SLC35E1: variants seen among roughly 807,000 people sequenced by gnomAD.
SLC35E1 encodes solute carrier family 35 member E1.
A neutral mutation model predicts 31.0 loss-of-function variants in SLC35E1; 12 were observed. The observed-to-expected ratio is 0.39, with a 90% CI of 0.25 to 0.63. The LOEUF (loss-of-function observed/expected upper bound fraction) is 0.63, where lower values mean the gene tolerates loss of function less well. Ranked by LOEUF, SLC35E1 falls within the 20% of genes least tolerant of loss-of-function variation. The pLI, the probability that SLC35E1 is intolerant of heterozygous loss-of-function variation, is 0.52. For missense variants in SLC35E1, 429 were observed against 572.2 expected, an observed-to-expected ratio of 0.75 and a Z score of 2.55; for synonymous variants, 257 against 264.1, an observed-to-expected ratio of 0.97 and a Z score of 0.26.
intron 3 of SLC35E1, 49 bp from the exon 4 acceptor site, chr19:16,566,706 A>G (rs749818643): frequency 1.9e-6 from 3 of 1,579,268 alleles, no homozygotes; most frequent in African/African-American, 1.4e-5. Context: ...ATATGTGGCA[A>G]AAAGGGCTCC....
intron 4 of SLC35E1, among the ~76,000 whole-genome samples, chr19:16,559,090 C>T (rs2085891235): frequency 6.6e-6 from 1 of 151,964 alleles, no homozygotes; most frequent in African/African-American, 2.4e-5. Flanking sequence ...TTTTAAGTTA[C>T]TATCTTCCAT....
chr19:16,560,668 C>G (rs550889802), intron 4 of SLC35E1, among the ~76,000 whole-genome samples: 171 of 152,152 alleles, frequency 1.1e-3, no homozygotes, highest in Non-Finnish European at 2.1e-3. Context: ...TCGAGACCAG[C>G]CTGGCCAACA....
chr19:16,571,703 C>A (rs2085959540), intron 1 of SLC35E1, 121 bp from the exon 2 acceptor site: 21 of 1,113,492 alleles, frequency 1.9e-5, no homozygotes, highest in Non-Finnish European at 2.8e-5. Flanking sequence ...CCTTCTCTTT[C>A]GGTAGGGCTT....
chr19:16,559,220 G>A (rs999849966), intron 4 of SLC35E1, among the ~76,000 whole-genome samples: 1 of 152,060 alleles, frequency 6.6e-6, no homozygotes, highest in African/African-American at 2.4e-5. Context: ...GGAGGCTGAG[G>A]TAGGAGAATC....
At chr19:16,562,291 T>C (rs1232850541) in intron 4 of SLC35E1, among the ~76,000 whole-genome samples, 1 of 152,148 alleles carries the variant, frequency 6.6e-6, no homozygotes, top group African/African-American at 2.4e-5. Flanking sequence ...CCACTGACAC[T>C]ATTACACAGC....
At chr19:16,565,211 C>A (rs1385535981) in intron 4 of SLC35E1, 3 of 418,080 alleles carry the variant, frequency 7.2e-6, no homozygotes, top group Non-Finnish European at 1.4e-5. Context: ...AGTTTTCTTT[C>A]TTTCTTTTTT....
chr19:16,551,571 G>T lies in SLC35E1; in HGVS notation c.*2108C>A, dbSNP rs1464659395. ...CCAGCAAGAAGCTGGGTGTGGTGATGAAGAAAGAAGGCAGCCATCACCTAA... is the reference window on the plus strand; with the variant it reads ...CCAGCAAGAAGCTGGGTGTGGTGATTAAGAAAGAAGGCAGCCATCACCTAA... On this transcript the variant is annotated 3_prime_UTR_variant, in exon 6 of 6. Transcript: ENST00000595753. The T allele has an allele frequency of 6.6e-6, 1 of 152,052 alleles. No homozygotes were observed. The highest frequency in any genetic ancestry group is 1.5e-5 in the Non-Finnish European group (1 of 68,016). The allele number at this position is 152,052 out of a possible 1,614,324, so 9.4% of individuals were successfully genotyped here.
chr19:16,559,641 G>A (rs903564605), intron 4 of SLC35E1, among the ~76,000 whole-genome samples: 1 of 152,166 alleles, frequency 6.6e-6, no homozygotes, highest in Non-Finnish European at 1.5e-5. Context: ...CACAGAATGA[G>A]ACCCTCTCTC....
At chr19:16,570,646 T>A (rs934736412) in intron 2 of SLC35E1, among the ~76,000 whole-genome samples, 2 of 152,208 alleles carry the variant, frequency 1.3e-5, no homozygotes, top group Non-Finnish European at 2.9e-5. Flanking sequence ...TATGCAGCCC[T>A]GAGTCCTGTG....
intron 4 of SLC35E1, among the ~76,000 whole-genome samples, chr19:16,557,318 C>T (rs934632180): frequency 5.9e-5 from 9 of 151,930 alleles, no homozygotes; most frequent in South Asian, 4.1e-4. Flanking sequence ...CTCAGCCTCC[C>T]GAGTAGCCGG....
chr19:16,572,268 G>C lies in SLC35E1; in HGVS notation c.97C>G (p.Leu33Val), dbSNP rs770045689. 4.0e-6 allele frequency: 6 copies of C among 1,502,092 alleles called. No individual in the cohort carries two copies. The Admixed American group carries it at 6.5e-5, about 16-fold the overall frequency. The allele number at this position is 1,502,092 out of a possible 1,614,324, so 93.0% of individuals were successfully genotyped here. A position where few individuals can be genotyped will look rare whatever the true frequency, so the allele number is the denominator to read the frequency against. The change falls in exon 1 of 6, where the codon CTG becomes GTG. Residue 33 changes from leucine to valine, a missense_variant. Physicochemically the swap from Leu to Val is conservative, Grantham distance 32. Transcript: ENST00000595753. The surrounding 1 kb of genome is among the most constrained non-coding windows in gnomAD (Gnocchi z 4.1). ...CTCAGCGCGTACCACAGCAGGCACA[G>C]CGCCGCCACCCGCGCGCCCTCGCGC... Reference protein sequence around the residue: ...GAREGARVAALCLLWYALSAG... With the variant: ...GAREGARVAAVCLLWYALSAG...
intron 3 of SLC35E1, 115 bp downstream of exon 3, chr19:16,567,917 T>G (rs1392867091): frequency 7.3e-7 from 1 of 1,374,888 alleles, no homozygotes; most frequent in African/African-American, 1.5e-5. Flanking sequence ...GCAATCAAGA[T>G]TTTTCTGCTC....
At chr19:16,559,606 T>C (rs1056375515) in intron 4 of SLC35E1, among the ~76,000 whole-genome samples, 2 of 152,008 alleles carry the variant, frequency 1.3e-5, no homozygotes, top group African/African-American at 4.8e-5. Flanking sequence ...TGAGCTGTGA[T>C]TGTACCACTG....
intron 4 of SLC35E1, among the ~76,000 whole-genome samples, chr19:16,557,910 T>C (rs1008460232): frequency 2.0e-5 from 3 of 152,168 alleles, no homozygotes; most frequent in Non-Finnish European, 4.4e-5. Flanking sequence ...GCCTCCTGGG[T>C]TCACGCCATT....
Position 16,553,772 on chromosome 19 carries a change from A to T in SLC35E1, c.1140T>A (p.Tyr380Ter). ...NGLLFPQHGDYQYGRNNILTD... is the reference protein window; with the variant it reads ...NGLLFPQHGD ...TTAAGATGTTGTTGCGGCCGTACTG[A>T]TAGTCCCCGTGCTGGGGGAAGAGGA... is the stretch of plus-strand genomic sequence containing the variant. Residue 380 changes from tyrosine to a stop codon, truncating the protein, a stop_gained, in exon 6 of 6, where the codon TAT becomes TAA. Coordinates refer to ENST00000595753, the MANE Select transcript of SLC35E1 (RefSeq NM_024881.5). LOFTEE classifies it high-confidence loss of function. 6 of 1,613,484 alleles carry T rather than the reference A, an allele frequency of 3.7e-6. No homozygotes were observed. Among genetic ancestry groups the T allele is most frequent in the Non-Finnish European group, 5.1e-6 (6 of 1,179,684 alleles).
chr19:16,563,061 C>T (rs575585715), intron 4 of SLC35E1, among the ~76,000 whole-genome samples: 11 of 152,262 alleles, frequency 7.2e-5, no homozygotes, highest in African/African-American at 2.2e-4. Context: ...TCGCTTACGC[C>T]TATAATTCCA....
In SLC35E1 at chr19:16,552,782, A is replaced by G. The variant is rs1022895832; in HGVS notation, c.*897T>C. ...AAAATGCAAGATCCTCCGAAAATCA[A>G]GATCTCTCTACCAAACAACATACCA... On this transcript the variant is annotated 3_prime_UTR_variant, in exon 6 of 6. Transcript: ENST00000595753. 1 of 152,018 alleles carries G rather than the reference A, an allele frequency of 6.6e-6. No individual in the cohort carries two copies. The highest frequency in any genetic ancestry group is 1.5e-5 in the Non-Finnish European group (1 of 67,986). The allele number at this position is 152,018 out of a possible 1,614,324, so 9.4% of individuals were successfully genotyped here.
Position 16,572,329 on chromosome 19 carries a change from C to A in SLC35E1, c.36G>T (p.Ala12=), listed in dbSNP as rs1328633488. Reference sequence around the variant, plus strand: ...TGCTGCTCGCTGCGCCCGGGCCCCCCGCGCCGTGGCCCGCGCCCACCGCGG... The same window carrying A: ...TGCTGCTCGCTGCGCCCGGGCCCCCAGCGCCGTGGCCCGCGCCCACCGCGG... The part of the protein sequence containing the change: ...AAAAVGAGHG[A]GGPGAASSSG... Residue 12 remains alanine (A), a synonymous_variant, in exon 1 of 6, where the codon GCG becomes GCT. Transcript: ENST00000595753. This position sits in a 1 kb window ranked among gnomAD's most constrained non-coding sequence, Gnocchi z 4.1. The A allele has an allele frequency of 3.4e-5, 40 of 1,173,284 alleles. No individual in the cohort carries two copies. Among genetic ancestry groups the A allele is most frequent in the South Asian group, 3.2e-4 (8 of 24,842 alleles). 72.7% of individuals were successfully genotyped at this position (1,173,284 alleles called of 1,614,324 possible).
intron 4 of SLC35E1, chr19:16,565,938 C>T (rs546075242): frequency 6.7e-6 from 1 of 150,308 alleles, no homozygotes; most frequent in Non-Finnish European, 1.5e-5. Flanking sequence ...TCTCTTAACG[C>T]CAGGAGTTCA....
Sources: gnomAD v4.1 joint callset for allele counts (sites outside exome capture counted in the v4.1 genomes callset) on GRCh38, gnomAD v4.1.1 for gene constraint, Gnocchi (gnomAD v3.1) non-coding constraint, MANE v1.5 for transcripts, NCBI Gene and HGNC (gene_info 2026-07-23, HGNC 2026-07-21) for gene names.